The following SLC30A5 variants were observed in gnomAD, a reference collection of about 807,000 sequenced individuals.
The protein encoded by SLC30A5 is solute carrier family 30 member 5, also known as proton-coupled zinc antiporter SLC30A5.
SLC30A5 carries 33 observed loss-of-function variants against 79.6 expected under a neutral mutation model. The ratio of observed to expected loss-of-function variants is 0.41; its 90% CI spans 0.31 to 0.55. SLC30A5 has a LOEUF of 0.55. Among genes scored for constraint, SLC30A5 ranks in the 20% least tolerant of loss-of-function variants. SLC30A5 has a pLI of 0.20. For synonymous variants in SLC30A5, 299 were observed against 319.7 expected, an observed-to-expected ratio of 0.94 and a Z score of 0.69; for missense variants, 788 against 928.1, an observed-to-expected ratio of 0.85 and a Z score of 1.96.
intron 4 of SLC30A5, among the ~76,000 whole-genome samples, chr5:69,106,056 A>C (rs908331222): frequency 2.6e-5 from 4 of 152,346 alleles, no homozygotes; most frequent in Non-Finnish European, 4.4e-5. Flanking sequence ...AGTGGGGTAG[A>C]CAGAGTGGAA....
intron 5 of SLC30A5, among the ~76,000 whole-genome samples, chr5:69,109,465 G>T (rs139310266): frequency 6.6e-6 from 1 of 151,998 alleles, no homozygotes; most frequent in Non-Finnish European, 1.5e-5. Flanking sequence ...ATGCATGTAG[G>T]TCTATGAAAT....
chr5:69,119,105 A>G (rs1162949643), intron 12 of SLC30A5, among the ~76,000 whole-genome samples: 1 of 152,018 alleles, frequency 6.6e-6, no homozygotes, highest in African/African-American at 2.4e-5. Flanking sequence ...CCGGCCAGCT[A>G]TAGCAACTTT....
chr5:69,129,807 T>C lies in SLC30A5; in HGVS notation c.*190T>C. On this transcript the variant is annotated 3_prime_UTR_variant, in exon 16 of 16. Transcript: ENST00000396591. ...AACATTAATGGTAAAAGTGGAGTAA[T>C]TATTTAAATTATGTGTATAAAAGGA... The C allele has an allele frequency of 4.4e-6, 2 of 453,068 alleles. No individual in the cohort carries two copies. The allele number at this position is 453,068 out of a possible 1,614,324, so 28.1% of individuals were successfully genotyped here. A position where few individuals can be genotyped will look rare whatever the true frequency, so the allele number is the denominator to read the frequency against.
chr5:69,129,186 C>G (rs1343216541), intron 15 of SLC30A5, among the ~76,000 whole-genome samples: 1 of 152,024 alleles, frequency 6.6e-6, no homozygotes, highest in Non-Finnish European at 1.5e-5. Context: ...TTTCGATTTG[C>G]GATTTTATTT....
At chr5:69,120,365 C>A (rs2111988291) in intron 12 of SLC30A5, among the ~76,000 whole-genome samples, 1 of 147,222 alleles carries the variant, frequency 6.8e-6, no homozygotes, top group South Asian at 2.2e-4. Flanking sequence ...GCCTGGTTGA[C>A]AGAGCAAAAC....
chr5:69,123,111 T>C (rs1244764624), intron 13 of SLC30A5, 88 bp from the exon 14 acceptor site: 1 of 833,202 alleles, frequency 1.2e-6, no homozygotes, highest in Non-Finnish European at 1.9e-6. Context: ...TGGTGCACAG[T>C]AGGTATCCAG....
At chr5:69,124,103 A>C (rs1406358958) in intron 14 of SLC30A5, among the ~76,000 whole-genome samples, 5 of 93,828 alleles carry the variant, frequency 5.3e-5, no homozygotes, top group South Asian at 6.9e-4. Flanking sequence ...ACAGAGCGAG[A>C]CTCCACCTCA....
rs568431954 is a variant in SLC30A5 at position 69,112,528 on chromosome 5, T to C, written c.448-612T>C. 2.6e-5 allele frequency among the ~76,000 whole-genome samples: 4 copies of C among 152,182 alleles called. No individual in the cohort carries two copies. The East Asian group carries it at 7.7e-4, about 29-fold the overall frequency. On this transcript the variant is annotated intron_variant, in intron 5 of 15. Coordinates refer to ENST00000396591, the MANE Select transcript of SLC30A5 (RefSeq NM_022902.5). Reference sequence around the variant, plus strand: ...TGGTAGGCTGAGGCAAGAGGATCACTTGAGCCCAGGAATTGGAGGCTGCAG... The same window carrying C: ...TGGTAGGCTGAGGCAAGAGGATCACCTGAGCCCAGGAATTGGAGGCTGCAG...
intron 15 of SLC30A5, 97 bp downstream of exon 15, chr5:69,128,229 A>G (rs1746755944): frequency 2.3e-6 from 2 of 858,196 alleles, no homozygotes; most frequent in Non-Finnish European, 3.4e-6. Context: ...TTTACTATTC[A>G]GAAATATCAA....
At chr5:69,117,645 G>A (rs186632082) in intron 11 of SLC30A5, among the ~76,000 whole-genome samples, 1,787 of 152,206 alleles carry the variant, frequency 0.012, 24 homozygotes, top group African/African-American at 0.041. Flanking sequence ...GGGAGGCCAA[G>A]GCAGGCGGAT....
chr5:69,106,988 A>G (rs1013051214), intron 4 of SLC30A5, among the ~76,000 whole-genome samples: 5 of 151,402 alleles, frequency 3.3e-5, no homozygotes, highest in African/African-American at 1.2e-4. Flanking sequence ...CCTCAGCCTC[A>G]CCAGTAGCTG....
intron 6 of SLC30A5, among the ~76,000 whole-genome samples, chr5:69,113,986 G>A (rs1056897972): frequency 2.0e-5 from 3 of 152,156 alleles, no homozygotes; most frequent in Non-Finnish European, 4.4e-5. Flanking sequence ...TGTGGTCAGT[G>A]ACTTAGAAGA....
intron 12 of SLC30A5, 139 bp from the exon 13 acceptor site, chr5:69,121,555 A>ACT: frequency 1.7e-6 from 1 of 582,724 alleles, no homozygotes; most frequent in East Asian, 3.1e-5. Flanking sequence ...TTTTGGACTT[A>ACT]CTGAAACTTA....
At chr5:69,126,429 C>T (rs954385880) in intron 14 of SLC30A5, among the ~76,000 whole-genome samples, 4 of 152,104 alleles carry the variant, frequency 2.6e-5, no homozygotes, top group Non-Finnish European at 4.4e-5. Context: ...CGTGAGCCAC[C>T]GCGCCTGGCC....
rs1746820327 is a variant in SLC30A5, at chr5:69,130,452, C to T, written c.*835C>T. The T allele has an allele frequency of 6.6e-6, 1 of 152,120 alleles. No homozygotes were observed. Among genetic ancestry groups the T allele is most frequent in the Non-Finnish European group, 1.5e-5 (1 of 68,026 alleles). The allele number at this position is 152,120 out of a possible 1,614,324, so 9.4% of individuals were successfully genotyped here. A position where few individuals can be genotyped will look rare whatever the true frequency, so the allele number is the denominator to read the frequency against. Reference sequence around the variant, plus strand: ...GTAAGCTTTCATCCTTTCTTAGCTCCATAACGTTGTGAAACAGCCAGTTAA... The same window carrying T: ...GTAAGCTTTCATCCTTTCTTAGCTCTATAACGTTGTGAAACAGCCAGTTAA... On this transcript the variant is annotated 3_prime_UTR_variant, in exon 16 of 16. Transcript: ENST00000396591.
Position 69,116,440 on chromosome 5 carries a change from C to T in SLC30A5, c.1119C>T (p.Thr373=), listed in dbSNP as rs762628192. The T allele has an allele frequency of 6.2e-7, 1 of 1,611,294 alleles. No homozygotes were observed. The highest frequency in any genetic ancestry group is 1.3e-5 in the African/African-American group (1 of 74,758). Residue 373 remains threonine, a synonymous_variant, in exon 10 of 16, where the codon ACC becomes ACT. Coordinates refer to ENST00000396591, the MANE Select transcript of SLC30A5 (RefSeq NM_022902.5). The surrounding 1 kb of genome is among the most constrained non-coding windows in gnomAD (Gnocchi z 4.0). ...CCTCTAAGAGAGGACAAAAAGGTAC[C>T]CTTATTGGATATTCTCCTGAAGGAA... ...SSPSKRGQKG[T]LIGYSPEGTP... is the part of the protein sequence containing the mutation.
chr5:69,099,335 C>T (rs1745839410), intron 1 of SLC30A5, among the ~76,000 whole-genome samples: 1 of 152,100 alleles, frequency 6.6e-6, no homozygotes. Context: ...GTATTTTTTT[C>T]CCCTGGACTA....
Position 69,121,768 on chromosome 5 carries a change from T to C in SLC30A5, c.1644T>C (p.His548=). ...TTAGCCATGCCCATAGCCATGCCCATGGAGCTTCTCAAGGAAGCTGTCACT... is the reference window on the plus strand; with the variant it reads ...TTAGCCATGCCCATAGCCATGCCCACGGAGCTTCTCAAGGAAGCTGTCACT... The part of the protein sequence containing the change: ...CAFSHAHSHA[H]GASQGSCHSS... Residue 548 remains histidine (H), a synonymous_variant, in exon 13 of 16, where the codon CAT becomes CAC. Coordinates refer to ENST00000396591, the MANE Select transcript of SLC30A5 (RefSeq NM_022902.5). 2 of 1,611,890 alleles carry C rather than the reference T, an allele frequency of 1.2e-6. No individual in the cohort carries two copies. Among genetic ancestry groups the C allele is most frequent in the Non-Finnish European group, 8.5e-7 (1 of 1,178,624 alleles).
intron 4 of SLC30A5, 103 bp from the exon 5 acceptor site, chr5:69,108,246 G>C (rs1311504482): frequency 1.8e-5 from 16 of 876,890 alleles, no homozygotes; most frequent in Non-Finnish European, 2.7e-5. Context: ...TATGTTTTGT[G>C]AAATCAAGGG....
Sources: allele counts gnomAD v4.1 joint callset (sites outside exome capture counted in the v4.1 genomes callset), GRCh38; gene constraint gnomAD v4.1.1; non-coding constraint Gnocchi (gnomAD v3.1); transcripts MANE v1.5; gene names NCBI Gene and HGNC (gene_info 2026-07-23, HGNC 2026-07-21).